Variants in TMEM38B observed in about 807,000 individuals in gnomAD.
TMEM38B encodes transmembrane protein 38B.
A neutral mutation model predicts 28.7 loss-of-function variants in TMEM38B; 24 were observed. The ratio of observed to expected loss-of-function variants is 0.84; its 90% confidence interval spans 0.61 to 1.18. The LOEUF (loss-of-function observed/expected upper bound fraction) is 1.18, where lower values mean the gene tolerates loss of function less well. TMEM38B is among the 50% of genes most tolerant of loss of function. The probability of loss-of-function intolerance (pLI) is 0.00; values close to 1 mark genes in which losing one functional copy is unlikely to be tolerated. For synonymous variants in TMEM38B, 131 were observed against 127.7 expected (o/e 1.03, Z -0.17); for missense variants, 380 against 350.9 (o/e 1.08, Z -0.66).
intron 2 of TMEM38B, among the ~76,000 whole-genome samples, chr9:105,716,622 ATTT>A (rs879813843): frequency 0.18 from 27,344 of 151,682 alleles, 3,525 homozygotes; most frequent in East Asian, 0.46. Flanking sequence ...AACAACATGA[ATTT>A]GAACTGTGTG....
In TMEM38B at chr9:105,728,087, T is replaced by C. The variant is rs11999851; in HGVS notation, c.542+5466T>C. On this transcript the variant is annotated intron_variant, in intron 4 of 5. Transcript: ENST00000374692. The stretch of plus-strand genomic sequence containing the variant: ...TAAATTACCAAGCCTCATGTATTTC[T>C]TTTTTAAAAATCATTATTATTATAC... Among the ~76,000 whole-genome samples, 1,374 of 152,274 alleles carry C rather than the reference T, an allele frequency of 9.0e-3. 33 individuals are homozygous for C. The highest frequency in any genetic ancestry group is 0.031 in the African/African-American group (1,277 of 41,554).
At chr9:105,752,646 C>G (rs929563813) in intron 5 of TMEM38B, among the ~76,000 whole-genome samples, 1 of 151,970 alleles carries the variant, frequency 6.6e-6, no homozygotes, top group Admixed American at 6.6e-5. Context: ...CAAAAAAGGC[C>G]CCACAAAAAC....
intron 4 of TMEM38B, among the ~76,000 whole-genome samples, chr9:105,739,681 C>A (rs947836312): frequency 1.3e-5 from 2 of 150,360 alleles, no homozygotes; most frequent in African/African-American, 4.9e-5. Flanking sequence ...GGTGCCACCA[C>A]GCCAGTCTAA....
At chr9:105,757,541 T>A (rs1837875551) in intron 5 of TMEM38B, among the ~76,000 whole-genome samples, 1 of 151,258 alleles carries the variant, frequency 6.6e-6, no homozygotes, top group Non-Finnish European at 1.5e-5. Context: ...GTAAAAGTGT[T>A]CCCTTTTCAA....
chr9:105,697,460 T>C (rs1164056601), intron 1 of TMEM38B, among the ~76,000 whole-genome samples: 1 of 152,230 alleles, frequency 6.6e-6, no homozygotes, highest in African/African-American at 2.4e-5. Context: ...CTATTATTGG[T>C]CTTCAATATC....
chr9:105,758,123 T>A, intron 5 of TMEM38B: 1 of 495,588 alleles, frequency 2.0e-6, no homozygotes, highest in South Asian at 2.6e-5. Context: ...GCCTGAGTGT[T>A]GCCTTCGCTG....
chr9:105,698,505 C>T (rs1835359461), intron 1 of TMEM38B, among the ~76,000 whole-genome samples: 1 of 151,562 alleles, frequency 6.6e-6, no homozygotes, highest in South Asian at 2.1e-4. Context: ...ATTGTGTTTC[C>T]CATTTAAAAA....
In TMEM38B at chr9:105,775,247, A is replaced by C. The variant is rs553525350; in HGVS notation, c.*1167A>C. The stretch of plus-strand genomic sequence containing the variant: ...AGAAACAGAGAAACCAGAACTTCAT[A>C]TGGCAGTCCATTTAGATGAAGAATG... On this transcript the variant is annotated 3_prime_UTR_variant, in exon 6 of 6. Transcript: ENST00000374692. The C allele has an allele frequency of 5.9e-5, 9 of 152,248 alleles. No individual in the cohort carries two copies. The South Asian group carries it at 1.9e-3, about 32-fold the overall frequency. 9.4% of individuals were successfully genotyped at this position (152,248 alleles called of 1,614,324 possible). A position where few individuals can be genotyped will look rare whatever the true frequency, so the allele number is the denominator to read the frequency against.
chr9:105,719,281 A>T (rs1311274681), intron 2 of TMEM38B, among the ~76,000 whole-genome samples: 1 of 152,118 alleles, frequency 6.6e-6, no homozygotes, highest in Admixed American at 6.5e-5. Flanking sequence ...AATGTATGAG[A>T]AGTCAGTTGT....
chr9:105,720,873 A>G (rs1250656527), intron 2 of TMEM38B, among the ~76,000 whole-genome samples: 4 of 152,194 alleles, frequency 2.6e-5, no homozygotes, highest in African/African-American at 9.6e-5. Flanking sequence ...AGTTTAAAAA[A>G]ATAATTTACC....
intron 1 of TMEM38B, among the ~76,000 whole-genome samples, chr9:105,702,329 T>C (rs1423328196): frequency 6.6e-6 from 1 of 152,160 alleles, no homozygotes; most frequent in Non-Finnish European, 1.5e-5. Flanking sequence ...TTAAGAAGGC[T>C]AGAACATTCC....
intron 5 of TMEM38B, among the ~76,000 whole-genome samples, chr9:105,772,680 T>C (rs1422481439): frequency 6.6e-6 from 1 of 152,116 alleles, no homozygotes; most frequent in East Asian, 1.9e-4. Flanking sequence ...TTTTTAAAAA[T>C]TGAGTTCAAA....
At chr9:105,701,509 T>C (rs1426904904) in intron 1 of TMEM38B, 1 of 152,252 alleles carries the variant, frequency 6.6e-6, no homozygotes, top group Non-Finnish European at 1.5e-5. Context: ...TTCCAAGTTA[T>C]AAGAATTGTG....
At chr9:105,699,715 A>G (rs1835401911) in intron 1 of TMEM38B, among the ~76,000 whole-genome samples, 1 of 132,244 alleles carries the variant, frequency 7.6e-6, no homozygotes. Context: ...AGGTAATACA[A>G]CAAGTGGGAT....
intron 5 of TMEM38B, among the ~76,000 whole-genome samples, chr9:105,760,926 C>T (rs1248614620): frequency 6.6e-6 from 1 of 152,170 alleles, no homozygotes; most frequent in African/African-American, 2.4e-5. Context: ...AGGAGACTAA[C>T]TAGATCTCAA....
At chr9:105,741,454 G>C (rs558972267) in intron 4 of TMEM38B, among the ~76,000 whole-genome samples, 1 of 152,296 alleles carries the variant, frequency 6.6e-6, no homozygotes, top group South Asian at 2.1e-4. Flanking sequence ...TATAGTCTTT[G>C]ATAATACATA....
chr9:105,764,875 A>G (rs1826309822), intron 5 of TMEM38B, among the ~76,000 whole-genome samples: 1 of 152,056 alleles, frequency 6.6e-6, no homozygotes, highest in Non-Finnish European at 1.5e-5. Flanking sequence ...TACTGTTACC[A>G]AAACAGAGAT....
intron 2 of TMEM38B, chr9:105,710,314 G>C: frequency 1.5e-6 from 1 of 672,772 alleles, no homozygotes; most frequent in South Asian, 1.6e-5. Flanking sequence ...AATGGCTTCT[G>C]CTACTCTGTG....
At chr9:105,747,608 C>G (rs1476074982) in intron 4 of TMEM38B, among the ~76,000 whole-genome samples, 1 of 151,994 alleles carries the variant, frequency 6.6e-6, no homozygotes, top group Admixed American at 6.6e-5. Context: ...TTATTTCTTG[C>G]CTTCTGCTAG....
Sources: gnomAD v4.1 joint callset for allele counts (sites outside exome capture counted in the v4.1 genomes callset) on GRCh38, gnomAD v4.1.1 for gene constraint, MANE v1.5 for transcripts, NCBI Gene and HGNC (gene_info 2026-07-23, HGNC 2026-07-21) for gene names.